Variants in CACNB2 observed in about 807,000 individuals in gnomAD.
CACNB2 encodes the protein voltage-dependent L-type calcium channel subunit beta-2.
In CACNB2, 42 loss-of-function variants were observed where a neutral mutation model predicts 73.3. The ratio of observed to expected loss-of-function variants is 0.57; its 90% confidence interval spans 0.45 to 0.74. The LOEUF (loss-of-function observed/expected upper bound fraction) is 0.74. CACNB2 is among the 30% of genes least tolerant of loss of function. The pLI is 0.00. For missense variants in CACNB2, 940 were observed against 853.0 expected, an observed-to-expected ratio of 1.10 and a Z score of -1.27; for synonymous variants, 348 against 310.3, an observed-to-expected ratio of 1.12 and a Z score of -1.28.
In CACNB2 at chr10:18,462,466, C is replaced by G. The variant is rs1003321540; in HGVS notation, c.334-35889C>G. On this transcript the variant is annotated intron_variant, in intron 3 of 13. Coordinates refer to ENST00000324631, the MANE Select transcript of CACNB2 (RefSeq NM_201596.3). Reference sequence around the variant, plus strand: ...ATGGGGTCTTGCTATGTTGCCCAGGCTGGCCTCATAATTCCTGGGCTCAAG... The same window carrying G: ...ATGGGGTCTTGCTATGTTGCCCAGGGTGGCCTCATAATTCCTGGGCTCAAG... Among the ~76,000 whole-genome samples, 14 of 152,262 alleles carry G rather than the reference C, an allele frequency of 9.2e-5. No homozygotes were observed. In the East Asian group the frequency reaches 2.5e-3, roughly 27 times the overall value.
intron 3 of CACNB2, among the ~76,000 whole-genome samples, chr10:18,409,560 G>A (rs182172071): frequency 6.6e-6 from 1 of 152,348 alleles, no homozygotes; most frequent in African/African-American, 2.4e-5. Context: ...CCGCTGGGCT[G>A]AGACTCTGTC....
intron 2 of CACNB2, among the ~76,000 whole-genome samples, chr10:18,366,500 C>G (rs1248625654): frequency 2.0e-5 from 3 of 147,674 alleles, no homozygotes; most frequent in Admixed American, 6.8e-5. Context: ...TGGCCCAGCA[C>G]TTTCTTTGGT....
At chr10:18,472,784 G>A (rs1233412225) in intron 3 of CACNB2, among the ~76,000 whole-genome samples, 1 of 152,152 alleles carries the variant, frequency 6.6e-6, no homozygotes, top group Non-Finnish European at 1.5e-5. Context: ...TTTCAGAGAG[G>A]TTTGGTTCTC....
At chr10:18,249,322 A>G (rs1262181341) in intron 2 of CACNB2, among the ~76,000 whole-genome samples, 2 of 151,938 alleles carry the variant, frequency 1.3e-5, no homozygotes, top group East Asian at 1.9e-4. Flanking sequence ...TGCTCCTACA[A>G]TTATCTGTGA....
chr10:18,150,822 C>A, intron 1 of CACNB2, 61 bp from the exon 2 acceptor site: 2 of 1,070,490 alleles, frequency 1.9e-6, no homozygotes, highest in Non-Finnish European at 2.7e-6. Flanking sequence ...GGCCTACATT[C>A]CTGTTAAAGG....
chr10:18,425,580 G>T (rs1467782398), intron 3 of CACNB2, among the ~76,000 whole-genome samples: 1 of 152,004 alleles, frequency 6.6e-6, no homozygotes, highest in Admixed American at 6.6e-5. Flanking sequence ...AGTTGGGGGG[G>T]TTGCTTGAGC....
intron 2 of CACNB2, among the ~76,000 whole-genome samples, chr10:18,394,625 C>A (rs1293117302): frequency 6.6e-6 from 1 of 152,274 alleles, no homozygotes; most frequent in South Asian, 2.1e-4. Context: ...TCCCCTGCTT[C>A]GTGGCCTTGC....
intron 2 of CACNB2, among the ~76,000 whole-genome samples, chr10:18,379,840 C>A (rs183004180): frequency 6.6e-4 from 101 of 152,282 alleles, no homozygotes; most frequent in Non-Finnish European, 1.2e-3. Context: ...GCATGCACCA[C>A]CTCGCCTGGC....
At chr10:18,351,556 T>C (rs1311223426) in intron 2 of CACNB2, among the ~76,000 whole-genome samples, 1 of 152,234 alleles carries the variant, frequency 6.6e-6, no homozygotes, top group African/African-American at 2.4e-5. Flanking sequence ...ACACATGTTA[T>C]TCTATTGTTA....
At chr10:18,278,841 C>A (rs1227086419) in intron 2 of CACNB2, among the ~76,000 whole-genome samples, 2 of 151,968 alleles carry the variant, frequency 1.3e-5, no homozygotes, top group African/African-American at 2.4e-5. Context: ...CATGATGAGA[C>A]CCCTACTCTA....
At chr10:18,212,247 A>T (rs1028891664) in intron 2 of CACNB2, among the ~76,000 whole-genome samples, 1 of 152,180 alleles carries the variant, frequency 6.6e-6, no homozygotes, top group African/African-American at 2.4e-5. Context: ...GCAGCATCTG[A>T]GTTCTCATTC....
intron 3 of CACNB2, among the ~76,000 whole-genome samples, chr10:18,439,414 G>T (rs1386775399): frequency 6.6e-6 from 1 of 152,192 alleles, no homozygotes; most frequent in Non-Finnish European, 1.5e-5. Flanking sequence ...TTAGGTAGAT[G>T]AGGGGAAGGC....
intron 13 of CACNB2, among the ~76,000 whole-genome samples, chr10:18,538,758 A>G (rs2053856327): frequency 6.6e-6 from 1 of 152,192 alleles, no homozygotes; most frequent in Non-Finnish European, 1.5e-5. Context: ...ATGATCTTAT[A>G]GGGCTGTTGT....
chr10:18,539,656 G>A lies in CACNB2; in HGVS notation c.1915G>A (p.Gly639Arg), dbSNP rs1554843219. ...CAAGGATCGCTACTGTGAAAAGGAT[G>A]GAGAAGTGATATCAAAAAAACGGAA... ...KSKDRYCEKDGEVISKKRNEA... is the reference protein window; with the variant it reads ...KSKDRYCEKDREVISKKRNEA... The change falls in exon 14 of 14, where the codon GGA (glycine) becomes AGA (arginine). Residue 639 changes from glycine (G) to arginine (R), a missense_variant. Transcript: ENST00000324631. The A allele has an allele frequency of 6.2e-7, 1 of 1,613,050 alleles. No homozygotes were observed. The highest frequency in any genetic ancestry group is 1.7e-5 in the Admixed American group (1 of 59,828).
chr10:18,460,982 G>A (rs1235529682), intron 3 of CACNB2, among the ~76,000 whole-genome samples: 2 of 152,176 alleles, frequency 1.3e-5, no homozygotes, highest in East Asian at 3.9e-4. Flanking sequence ...CAAGCTGGAG[G>A]GCAATGGCGT....
intron 3 of CACNB2, among the ~76,000 whole-genome samples, chr10:18,468,885 C>T (rs2048036177): frequency 6.6e-6 from 1 of 152,186 alleles, no homozygotes; most frequent in Non-Finnish European, 1.5e-5. Flanking sequence ...AGGCATGAGC[C>T]ACCATGCCTG....
intron 3 of CACNB2, among the ~76,000 whole-genome samples, chr10:18,453,847 T>A (rs969106535): frequency 6.6e-6 from 1 of 152,188 alleles, no homozygotes; most frequent in African/African-American, 2.4e-5. Flanking sequence ...GCCAGACTCC[T>A]GTTTGTCAAA....
chr10:18,330,674 C>CT (rs879901536), intron 2 of CACNB2, among the ~76,000 whole-genome samples: 74 of 146,816 alleles, frequency 5.0e-4, no homozygotes, highest in South Asian at 1.9e-3. Context: ...AAAACTAAAA[C>CT]TTTTTTTTTT....
chr10:18,289,035 A>G (rs2038932771), intron 2 of CACNB2, among the ~76,000 whole-genome samples: 1 of 152,018 alleles, frequency 6.6e-6, no homozygotes, highest in African/African-American at 2.4e-5. Flanking sequence ...ACAGAGCAAG[A>G]CTCCATCTCA....
Sources: gnomAD v4.1 joint callset for allele counts (sites outside exome capture counted in the v4.1 genomes callset) on GRCh38, gnomAD v4.1.1 for gene constraint, MANE v1.5 for transcripts, NCBI Gene and HGNC (gene_info 2026-07-23, HGNC 2026-07-21) for gene names.